The following GLIS3 variants were observed in gnomAD, a reference collection of about 807,000 sequenced individuals.
GLIS3 encodes zinc finger protein GLIS3.
A neutral mutation model predicts 78.6 loss-of-function variants in GLIS3; 53 were observed. The ratio of observed to expected loss-of-function variants is 0.67; its 90% confidence interval spans 0.54 to 0.85. The LOEUF is 0.85. GLIS3 is among the 40% of genes least tolerant of loss of function. GLIS3 has a pLI of 0.00. For synonymous variants in GLIS3, 684 were observed against 509.9 expected, an observed-to-expected ratio of 1.34 and a Z score of -4.60; for missense variants, 1,703 against 1,231.1, an observed-to-expected ratio of 1.38 and a Z score of -5.74.
chr9:3,990,426 C>G (rs1190129479), intron 4 of GLIS3, among the ~76,000 whole-genome samples: 1 of 152,170 alleles, frequency 6.6e-6, no homozygotes, highest in African/African-American at 2.4e-5. Context: ...CTGGCACAGT[C>G]CTTGGCTCAT....
At chr9:4,136,982 G>C (rs564608897) in intron 2 of GLIS3, among the ~76,000 whole-genome samples, 2 of 152,152 alleles carry the variant, frequency 1.3e-5, no homozygotes, top group East Asian at 1.9e-4. Flanking sequence ...TTGTGCTATA[G>C]GTAGTGGCGC....
chr9:3,917,246 G>A (rs1286389572), intron 6 of GLIS3, among the ~76,000 whole-genome samples: 1 of 152,182 alleles, frequency 6.6e-6, no homozygotes, highest in Non-Finnish European at 1.5e-5. Flanking sequence ...TGGTGTTCCT[G>A]GTACCAGCAT....
intron 2 of GLIS3, among the ~76,000 whole-genome samples, chr9:4,276,491 C>CGGGAGGGAAGGGGTG (rs1827027996): frequency 1.5e-4 from 1 of 6,458 alleles, no homozygotes; most frequent in Non-Finnish European, 2.7e-4. Context: ...GGGAAGGGGA[C>CGGGAGGGAAGGGGTG]GGGAGGGAAG....
chr9:4,016,378 G>A (rs1822440592), intron 4 of GLIS3, among the ~76,000 whole-genome samples: 2 of 152,050 alleles, frequency 1.3e-5, no homozygotes, highest in South Asian at 4.2e-4. Context: ...TTCCATAGTG[G>A]GACCTTAAGT....
chr9:3,871,953 A>G (rs1820997165), intron 8 of GLIS3, among the ~76,000 whole-genome samples: 1 of 152,180 alleles, frequency 6.6e-6, no homozygotes, highest in Admixed American at 6.5e-5. Flanking sequence ...TTCCTTTTTA[A>G]AACTGAATGC....
At chr9:3,931,178 T>C (rs1825587610) in intron 6 of GLIS3, among the ~76,000 whole-genome samples, 2 of 152,058 alleles carry the variant, frequency 1.3e-5, no homozygotes, top group Non-Finnish European at 2.9e-5. Context: ...ATTAAGACTA[T>C]CTATCAAATC....
intron 2 of GLIS3, among the ~76,000 whole-genome samples, chr9:4,179,656 T>A (rs1817122352): frequency 6.6e-6 from 1 of 152,212 alleles, no homozygotes; most frequent in Non-Finnish European, 1.5e-5. Flanking sequence ...ACGCTTGTAA[T>A]CCTAGCACTT....
At chr9:4,255,796 C>G (rs908119696) in intron 2 of GLIS3, among the ~76,000 whole-genome samples, 1 of 152,032 alleles carries the variant, frequency 6.6e-6, no homozygotes, top group African/African-American at 2.4e-5. Flanking sequence ...ATACATGTCA[C>G]TATAAATTTG....
chr9:3,924,790 C>T (rs768854832), intron 6 of GLIS3, among the ~76,000 whole-genome samples: 10 of 152,040 alleles, frequency 6.6e-5, no homozygotes, highest in Non-Finnish European at 1.2e-4. Flanking sequence ...GATTTTAGGA[C>T]ACTATATTTA....
chr9:4,325,673 G>C (rs1277235801), intron 2 of GLIS3, among the ~76,000 whole-genome samples: 2 of 152,086 alleles, frequency 1.3e-5, no homozygotes, highest in Non-Finnish European at 2.9e-5. Context: ...CCTAGAGTTT[G>C]AGCCAAAATC....
chr9:4,375,132 C>T, the GLIS3 span, among the ~76,000 whole-genome samples: 1 of 152,108 alleles, frequency 6.6e-6, no homozygotes, highest in African/African-American at 2.4e-5. Context: ...TAGTCATTTC[C>T]CACTTTGCAA....
Position 4,182,226 on chromosome 9 carries a change from A to C in GLIS3, c.389-56285T>G, listed in dbSNP as rs192793260. Among the ~76,000 whole-genome samples the C allele has an allele frequency of 1.5e-3, 224 of 152,288 alleles. 1 individual carries two copies. Among genetic ancestry groups the C allele is most frequent in the Non-Finnish European group, 2.6e-3 (178 of 68,020 alleles). ...ATCTGGCTGAGTTCTGTAGACAAAT[A>C]GTTTAACTGAGCAGTAGTGTGTAAA... On this transcript the variant is annotated intron_variant, in intron 2 of 10. Transcript: ENST00000381971.
intron 2 of GLIS3, among the ~76,000 whole-genome samples, chr9:4,173,163 A>T (rs1189079277): frequency 6.6e-6 from 1 of 152,134 alleles, no homozygotes; most frequent in Non-Finnish European, 1.5e-5. Context: ...AAAGGGTGAG[A>T]GGTGGTGGTG....
At position 3,824,532 on chromosome 9, in the gene GLIS3, A is replaced by G. The variant is rs1817623022; in HGVS notation, c.*3740T>C. On this transcript the variant is annotated 3_prime_UTR_variant, in exon 11 of 11. Transcript: ENST00000381971. ...GCACAATCCCTTCATTTTACTTTTG[A>G]CATAAAAAAAGGACTTCATGAACAA... 1 of 152,252 alleles carries G rather than the reference A, an allele frequency of 6.6e-6. No individual in the cohort carries two copies. The highest frequency in any genetic ancestry group is 6.5e-5 in the Admixed American group (1 of 15,284). The allele number at this position is 152,252 out of a possible 1,614,324, so 9.4% of individuals were successfully genotyped here. A position where few individuals can be genotyped will look rare whatever the true frequency, so the allele number is the denominator to read the frequency against.
intron 4 of GLIS3, among the ~76,000 whole-genome samples, chr9:4,116,575 A>G (rs1209763243): frequency 6.6e-6 from 1 of 152,218 alleles, no homozygotes; most frequent in Non-Finnish European, 1.5e-5. Flanking sequence ...TACTTGCATT[A>G]TAGCTATCAC....
chr9:4,108,874 C>T lies in GLIS3; in HGVS notation c.1710+8894G>A, dbSNP rs151262504. ...TGACCTGGGCCTTCAGCTGTGCTCT[C>T]CGGTCAACAGACAAATGACTCTACA... On this transcript the variant is annotated intron_variant, in intron 4 of 10. Coordinates refer to ENST00000381971, the MANE Select transcript of GLIS3 (RefSeq NM_001042413.2). 1.6e-3 allele frequency among the ~76,000 whole-genome samples: 244 copies of T among 152,248 alleles called. 1 individual carries two copies. Among genetic ancestry groups the T allele is most frequent in the African/African-American group, 4.8e-3 (200 of 41,546 alleles).
intron 2 of GLIS3, among the ~76,000 whole-genome samples, chr9:4,256,954 C>T (rs1453374361): frequency 2.0e-5 from 3 of 152,072 alleles, no homozygotes; most frequent in African/African-American, 7.2e-5. Context: ...TGAAATGTCC[C>T]TCAACAGATG....
intron 2 of GLIS3, among the ~76,000 whole-genome samples, chr9:4,219,394 C>G (rs1821127046): frequency 6.6e-6 from 1 of 152,254 alleles, no homozygotes; most frequent in Non-Finnish European, 1.5e-5. Flanking sequence ...TCACAGCCCC[C>G]AGGCCCATTG....
At chr9:4,035,337 T>C (rs550922372) in intron 4 of GLIS3, among the ~76,000 whole-genome samples, 2 of 152,082 alleles carry the variant, frequency 1.3e-5, no homozygotes, top group East Asian at 3.9e-4. Context: ...TCCTGACCAG[T>C]GTATTATACT....
Sources: gnomAD v4.1 joint callset for allele counts (sites outside exome capture counted in the v4.1 genomes callset) on GRCh38, gnomAD v4.1.1 for gene constraint, MANE v1.5 for transcripts, NCBI Gene and HGNC (gene_info 2026-07-23, HGNC 2026-07-21) for gene names.